DOCK1: variants seen among roughly 807,000 people sequenced by gnomAD.
The protein encoded by DOCK1 is dedicator of cytokinesis 1, also known as dedicator of cytokinesis protein 1.
A neutral mutation model predicts 262.7 loss-of-function variants in DOCK1; 138 were observed. The ratio of observed to expected loss-of-function variants is 0.53; its 90% CI spans 0.46 to 0.61. The LOEUF (loss-of-function observed/expected upper bound fraction) is 0.61. DOCK1 is among the 20% of genes least tolerant of loss of function. The pLI is 0.00. For missense variants in DOCK1, 1,908 were observed against 2,370.7 expected (o/e 0.80, Z 4.05); for synonymous variants, 866 against 867.4 (o/e 1.00, Z 0.03).
At chr10:127,392,258 G>A (rs974508372) in intron 38 of DOCK1, among the ~76,000 whole-genome samples, 7 of 150,940 alleles carry the variant, frequency 4.6e-5, no homozygotes, top group African/African-American at 1.7e-4. Context: ...TCTGGGGTGG[G>A]CCTCGAGGCT....
intron 27 of DOCK1, among the ~76,000 whole-genome samples, chr10:127,192,435 CAGAA>C (rs1471193015): frequency 2.6e-5 from 4 of 152,164 alleles, no homozygotes; most frequent in African/African-American, 9.7e-5. Flanking sequence ...ACATACTCAG[CAGAA>C]AGAGACACAT....
intron 4 of DOCK1, among the ~76,000 whole-genome samples, chr10:126,986,872 T>C (rs138924510): frequency 0.01 from 1,583 of 152,220 alleles, 12 homozygotes; most frequent in Middle Eastern, 0.027. Flanking sequence ...ATTGCACCAC[T>C]GCACTCCAGC....
At chr10:127,021,024 G>A (rs2042384677) in intron 13 of DOCK1, among the ~76,000 whole-genome samples, 1 of 152,172 alleles carries the variant, frequency 6.6e-6, no homozygotes, top group Non-Finnish European at 1.5e-5. Context: ...CACTATGTCT[G>A]CTTCTAGTTC....
chr10:127,345,270 G>T (rs768836235), intron 31 of DOCK1, among the ~76,000 whole-genome samples: 1 of 152,182 alleles, frequency 6.6e-6, no homozygotes, highest in Non-Finnish European at 1.5e-5. Flanking sequence ...AGCATTTCAT[G>T]TGCATTTTTC....
At chr10:127,405,787 G>A (rs1003726699) in intron 40 of DOCK1, among the ~76,000 whole-genome samples, 14 of 148,836 alleles carry the variant, frequency 9.4e-5, no homozygotes, top group African/African-American at 3.4e-4. Flanking sequence ...GGTGACGGAG[G>A]CGTCTGGCCC....
chr10:127,175,741 C>G lies in DOCK1; in HGVS notation c.2847+47977C>G, dbSNP rs756966142. The G allele has an allele frequency of 1.2e-6, 2 of 1,614,108 alleles. No homozygotes were observed. ...CTCCCGAGCAGCTGGTAATCGGGCT[C>G]TTCGGATGGAGGCCGAGTGGAGTTT... On this transcript the variant is annotated intron_variant, in intron 27 of 51. Coordinates refer to ENST00000623213, the MANE Select transcript of DOCK1 (RefSeq NM_001290223.2). This position sits in a 1 kb window ranked among gnomAD's most constrained non-coding sequence, Gnocchi z 6.3.
intron 27 of DOCK1, among the ~76,000 whole-genome samples, chr10:127,141,431 G>A (rs898029987): frequency 6.6e-6 from 1 of 152,120 alleles, no homozygotes; most frequent in Non-Finnish European, 1.5e-5. Context: ...GGCCAGGCAC[G>A]GTGGCTCATG....
At chr10:127,429,098 G>T (rs2069103745) in intron 47 of DOCK1, among the ~76,000 whole-genome samples, 1 of 151,934 alleles carries the variant, frequency 6.6e-6, no homozygotes, top group Non-Finnish European at 1.5e-5. Flanking sequence ...GTGCCGTGTG[G>T]ATTGGGATGC....
At chr10:126,949,442 G>A (rs944331301) in intron 1 of DOCK1, among the ~76,000 whole-genome samples, 3,298 of 152,192 alleles carry the variant, frequency 0.022, 111 homozygotes, top group African/African-American at 0.076. Context: ...ACTATACATG[G>A]CAGTCCAAAG....
chr10:127,139,796 G>T (rs900934085), intron 27 of DOCK1, among the ~76,000 whole-genome samples: 2 of 152,092 alleles, frequency 1.3e-5, no homozygotes, highest in African/African-American at 4.8e-5. Context: ...ACTGAATTGT[G>T]GTGACAATCT....
chr10:127,013,163 C>G lies in DOCK1; in HGVS notation c.1201+789C>G, dbSNP rs1175060073. ...CCTGAAGAATGTTTTAGAGAATGAGCCTTCCTAGGGATCTGCAGGGACCTC... is the reference window on the plus strand; with the variant it reads ...CCTGAAGAATGTTTTAGAGAATGAGGCTTCCTAGGGATCTGCAGGGACCTC... On this transcript the variant is annotated intron_variant, in intron 12 of 51. Transcript: ENST00000623213. Among the ~76,000 whole-genome samples the G allele has an allele frequency of 4.6e-5, 7 of 152,144 alleles. No homozygotes were observed. In the East Asian group the frequency reaches 1.3e-3, roughly 29 times the overall value.
intron 33 of DOCK1, among the ~76,000 whole-genome samples, chr10:127,367,881 G>T (rs2065010034): frequency 1.3e-5 from 2 of 152,164 alleles, no homozygotes; most frequent in South Asian, 4.1e-4. Flanking sequence ...TTGCAGTGTG[G>T]ATACTCCAAG....
chr10:127,236,221 C>T (rs908331007), intron 27 of DOCK1, among the ~76,000 whole-genome samples: 2 of 152,042 alleles, frequency 1.3e-5, no homozygotes, highest in Non-Finnish European at 2.9e-5. Flanking sequence ...TCTATGTTTT[C>T]TTTAAAAAGT....
intron 1 of DOCK1, among the ~76,000 whole-genome samples, chr10:126,927,329 A>G (rs916097458): frequency 1.3e-5 from 2 of 152,200 alleles, no homozygotes; most frequent in Non-Finnish European, 2.9e-5. Context: ...CAGAGGGACT[A>G]GGCATTGAAA....
chr10:127,224,597 G>T (rs2058567482), intron 27 of DOCK1, among the ~76,000 whole-genome samples: 1 of 151,108 alleles, frequency 6.6e-6, no homozygotes, highest in African/African-American at 2.4e-5. Flanking sequence ...GTGCATGCCT[G>T]TAGTCCCAGC....
chr10:126,994,293 A>AAT (rs1300062783), intron 6 of DOCK1, among the ~76,000 whole-genome samples: 1 of 144,088 alleles, frequency 6.9e-6, no homozygotes, highest in Admixed American at 7.3e-5. Context: ...TATTCCCCAA[A>AAT]ATATGTACTG....
chr10:127,114,514 C>T (rs553966675), intron 25 of DOCK1, among the ~76,000 whole-genome samples: 18 of 152,218 alleles, frequency 1.2e-4, no homozygotes, highest in African/African-American at 4.3e-4. Context: ...AGAGTCTTCT[C>T]TGAGCAGTTT....
chr10:127,067,077 C>T (rs1480125395), intron 23 of DOCK1, among the ~76,000 whole-genome samples: 1 of 152,210 alleles, frequency 6.6e-6, no homozygotes, highest in Non-Finnish European at 1.5e-5. Context: ...GTGGAGCTTT[C>T]CATCGAAGTG....
At chr10:127,441,632 G>A (rs1001926669) in intron 49 of DOCK1, among the ~76,000 whole-genome samples, 6 of 152,090 alleles carry the variant, frequency 3.9e-5, no homozygotes, top group African/African-American at 1.4e-4. Context: ...GGGGAGGTGC[G>A]GGGGAGGAGG....
Sources: gnomAD v4.1 joint callset for allele counts (sites outside exome capture counted in the v4.1 genomes callset) on GRCh38, gnomAD v4.1.1 for gene constraint, Gnocchi (gnomAD v3.1) non-coding constraint, MANE v1.5 for transcripts, NCBI Gene and HGNC (gene_info 2026-07-23, HGNC 2026-07-21) for gene names.